RTN4: variants seen among roughly 807,000 people sequenced by gnomAD.
The protein encoded by RTN4 is reticulon 4.
RTN4 carries 32 observed loss-of-function variants against 90.4 expected under a neutral mutation model. The ratio of observed to expected loss-of-function variants is 0.35; its 90% confidence interval spans 0.27 to 0.48. RTN4 has a LOEUF of 0.48. Ranked by LOEUF, RTN4 falls within the 20% of genes least tolerant of loss-of-function variation. The pLI is 0.99. For missense variants in RTN4, 1,706 were observed against 1,430.2 expected, an observed-to-expected ratio of 1.19 and a Z score of -3.11; for synonymous variants, 629 against 552.5, an observed-to-expected ratio of 1.14 and a Z score of -1.94.
intron 3 of RTN4, among the ~76,000 whole-genome samples, chr2:54,989,727 A>G (rs531398117): frequency 4.6e-5 from 7 of 152,370 alleles, no homozygotes; most frequent in Middle Eastern, 3.4e-3. Context: ...TTGCACTGCT[A>G]TAAGAACTCA....
chr2:54,976,794 G>A (rs1677671893), intron 5 of RTN4, among the ~76,000 whole-genome samples: 1 of 152,136 alleles, frequency 6.6e-6, no homozygotes, highest in African/African-American at 2.4e-5. Flanking sequence ...AAGCAAACAG[G>A]CTGCTCTCAT....
chr2:55,109,616 T>C (rs1223676393), intron 1 of RTN4, among the ~76,000 whole-genome samples: 5 of 151,302 alleles, frequency 3.3e-5, no homozygotes, highest in Non-Finnish European at 7.4e-5. Context: ...AAACACCTTT[T>C]AGAAAAGGAA....
chr2:55,001,868 A>C (rs377143704), intron 3 of RTN4, among the ~76,000 whole-genome samples: 13 of 152,208 alleles, frequency 8.5e-5, no homozygotes, highest in Admixed American at 4.6e-4. Context: ...GTGCTAGTAT[A>C]CAATTTTGTG....
At chr2:55,083,004 A>G (rs971579610) in intron 1 of RTN4, among the ~76,000 whole-genome samples, 3 of 152,244 alleles carry the variant, frequency 2.0e-5, no homozygotes, top group Admixed American at 2.0e-4. Context: ...AAAGCTTTTC[A>G]AATTTCGTGT....
At chr2:55,069,985 A>C (rs769156882) in intron 2 of RTN4, among the ~76,000 whole-genome samples, 42 of 152,342 alleles carry the variant, frequency 2.8e-4, no homozygotes, top group Non-Finnish European at 5.3e-4. Context: ...AAGATGGCAC[A>C]TTATTGAACT....
intron 2 of RTN4, among the ~76,000 whole-genome samples, chr2:55,060,023 C>T (rs921677758): frequency 1.1e-4 from 16 of 152,076 alleles, no homozygotes; most frequent in Non-Finnish European, 2.1e-4. Flanking sequence ...GGAAACTCTC[C>T]TGGAATGTCG....
intron 1 of RTN4, among the ~76,000 whole-genome samples, chr2:55,039,205 T>C (rs773435762): frequency 1.4e-4 from 21 of 152,212 alleles, no homozygotes; most frequent in Non-Finnish European, 2.8e-4. Flanking sequence ...GATAAACTAA[T>C]GTACGCATTT....
At chr2:55,096,578 CT>C (rs1667721800) in intron 1 of RTN4, among the ~76,000 whole-genome samples, 1 of 152,208 alleles carries the variant, frequency 6.6e-6, no homozygotes, top group Non-Finnish European at 1.5e-5. Flanking sequence ...GTTATCAAAG[CT>C]CTAATCATAG....
chr2:55,093,951 T>C (rs994189938), intron 1 of RTN4, among the ~76,000 whole-genome samples: 6 of 152,176 alleles, frequency 3.9e-5, no homozygotes, highest in African/African-American at 1.4e-4. Flanking sequence ...GAGAGGGACA[T>C]GGAAATAGCA....
chr2:54,999,357 G>A (rs572763456), intron 3 of RTN4, among the ~76,000 whole-genome samples: 103 of 152,286 alleles, frequency 6.8e-4, no homozygotes, highest in Non-Finnish European at 1.1e-3. Flanking sequence ...CATTGTGCAT[G>A]CCTTACGTGC....
At chr2:55,002,610 A>T (rs1558789862) in intron 3 of RTN4, among the ~76,000 whole-genome samples, 2 of 152,190 alleles carry the variant, frequency 1.3e-5, no homozygotes, top group East Asian at 1.9e-4. Flanking sequence ...AAACAAGCAA[A>T]AAAGGGCAGA....
chr2:55,025,196 A>G lies in RTN4; in HGVS notation c.2903T>C (p.Val968Ala). The G allele has an allele frequency of 6.2e-7, 1 of 1,613,854 alleles. No individual in the cohort carries two copies. The highest frequency in any genetic ancestry group is 1.1e-5 in the South Asian group (1 of 91,074). ...TTCTTTCACAAGAACTTTGGGTTTAACTATGCTCTCTATCTCTGCTTGAGT... is the reference window on the plus strand; with the variant it reads ...TTCTTTCACAAGAACTTTGGGTTTAGCTATGCTCTCTATCTCTGCTTGAGT... ...LATQAEIESI[V>A]KPKVLVKEAE... Residue 968 changes from valine to alanine, a missense_variant, in exon 3 of 9, where the codon GTT becomes GCT. By Grantham distance (64) the Val-to-Ala change is moderately conservative. Transcript: ENST00000337526.
At chr2:55,096,047 G>A (rs7607923) in intron 1 of RTN4, among the ~76,000 whole-genome samples, 54,820 of 152,002 alleles carry the variant, frequency 0.36, 10,295 homozygotes, top group African/African-American at 0.42. Context: ...GCGCATGCTG[G>A]GCCGGGTATG....
intron 2 of RTN4, among the ~76,000 whole-genome samples, chr2:55,064,339 CACAA>C (rs1466811002): frequency 1.4e-5 from 2 of 147,668 alleles, no homozygotes; most frequent in South Asian, 2.1e-4. Context: ...AAAATGATAA[CACAA>C]ACATTCTTTT....
chr2:54,989,397 A>C (rs1450661121), intron 3 of RTN4, among the ~76,000 whole-genome samples: 3 of 152,222 alleles, frequency 2.0e-5, no homozygotes, highest in Non-Finnish European at 4.4e-5. Flanking sequence ...CCCTGCCTAA[A>C]ACATCTAAAG....
At chr2:54,989,130 G>A (rs1395925311) in intron 3 of RTN4, among the ~76,000 whole-genome samples, 1 of 152,126 alleles carries the variant, frequency 6.6e-6, no homozygotes, top group Non-Finnish European at 1.5e-5. Flanking sequence ...GGAAAACTAT[G>A]TATGTGAACT....
chr2:55,063,199 A>G (rs936119293), intron 2 of RTN4, among the ~76,000 whole-genome samples: 20 of 152,260 alleles, frequency 1.3e-4, no homozygotes, highest in African/African-American at 4.6e-4. Flanking sequence ...GCATATAATT[A>G]TAATTTTGGT....
intron 3 of RTN4, among the ~76,000 whole-genome samples, chr2:55,008,400 C>G (rs1246604247): frequency 6.6e-6 from 1 of 151,886 alleles, no homozygotes; most frequent in Non-Finnish European, 1.5e-5. Context: ...CAACTTAAAC[C>G]TTACTCTGTA....
At chr2:55,120,230 A>G in the RTN4 span, among the ~76,000 whole-genome samples, 1 of 152,188 alleles carries the variant, frequency 6.6e-6, no homozygotes, top group Non-Finnish European at 1.5e-5. Flanking sequence ...CGAAGGAAGC[A>G]AAGGTTCTTA....
Sources: gnomAD v4.1 joint callset for allele counts (sites outside exome capture counted in the v4.1 genomes callset) on GRCh38, gnomAD v4.1.1 for gene constraint, MANE v1.5 for transcripts, NCBI Gene and HGNC (gene_info 2026-07-23, HGNC 2026-07-21) for gene names.